The following C1orf198 variants were observed in gnomAD, a reference collection of about 807,000 sequenced individuals.
C1orf198 encodes the protein chromosome 1 open reading frame 198, also known as uncharacterized protein C1orf198.
C1orf198 carries 17 observed loss-of-function variants against 31.4 expected under a neutral mutation model. The ratio of observed to expected loss-of-function variants is 0.54; its 90% CI spans 0.37 to 0.81. The LOEUF (loss-of-function observed/expected upper bound fraction) is 0.81. Among genes scored for constraint, C1orf198 ranks in the 40% least tolerant of loss-of-function variants. C1orf198 has a pLI of 0.00. For synonymous variants in C1orf198, 175 were observed against 193.8 expected (o/e 0.90, Z 0.81); for missense variants, 401 against 450.3 (o/e 0.89, Z 0.99).
At chr1:230,856,352 C>T (rs1669872772) in intron 1 of C1orf198, among the ~76,000 whole-genome samples, 2 of 152,078 alleles carry the variant, frequency 1.3e-5, no homozygotes, top group African/African-American at 4.8e-5. Context: ...AATCACTCCC[C>T]ACCCCCACCA....
chr1:230,856,069 C>T lies in C1orf198; in HGVS notation c.334-351G>A, dbSNP rs1383986059. On this transcript the variant is annotated intron_variant, in intron 1 of 3. Transcript: ENST00000366663. ...AGACTCAGCCCTGAACAATGATTAGCTGTGTGGCCATGGGAAGATGACTCA... is the reference window on the plus strand; with the variant it reads ...AGACTCAGCCCTGAACAATGATTAGTTGTGTGGCCATGGGAAGATGACTCA... 8.9e-6 allele frequency: 8 copies of T among 903,324 alleles called. No homozygotes were observed. The South Asian group carries it at 2.1e-4, about 24-fold the overall frequency. The allele number at this position is 903,324 out of a possible 1,614,324, so 56.0% of individuals were successfully genotyped here. A position where few individuals can be genotyped will look rare whatever the true frequency, so the allele number is the denominator to read the frequency against.
chr1:230,841,601 C>A (rs1422668766), intron 3 of C1orf198, among the ~76,000 whole-genome samples: 1 of 152,162 alleles, frequency 6.6e-6, no homozygotes, highest in African/African-American at 2.4e-5. Flanking sequence ...CACCTCATAC[C>A]CCTTCGCATG....
chr1:230,863,425 T>C (rs970410467), intron 1 of C1orf198, among the ~76,000 whole-genome samples: 1 of 152,222 alleles, frequency 6.6e-6, no homozygotes, highest in Non-Finnish European at 1.5e-5. Flanking sequence ...AAGAAATAGA[T>C]ATTTTCTCCA....
At chr1:230,851,958 A>C (rs1669757973) in intron 2 of C1orf198, among the ~76,000 whole-genome samples, 2 of 152,304 alleles carry the variant, frequency 1.3e-5, no homozygotes, top group African/African-American at 4.8e-5. Context: ...GAGAAACCAA[A>C]AATCCCTGCG....
At position 230,843,843 on chromosome 1, in the gene C1orf198, GC is replaced by G; in HGVS notation, c.437del (p.Gly146AlafsTer65). On this transcript the variant is annotated frameshift_variant, in exon 3 of 4. Coordinates refer to ENST00000366663, the MANE Select transcript of C1orf198 (RefSeq NM_032800.3). LOFTEE classifies it high-confidence loss of function. This position sits in a 1 kb window ranked among gnomAD's most constrained non-coding sequence, Gnocchi z 4.9. ...GTGGTCTGGGCTCGCTGGCGGCGGTGCCGTTGCTCGGCTCCTGGATGGATAG... is the reference window on the plus strand; with the variant it reads ...GTGGTCTGGGCTCGCTGGCGGCGGTGCGTTGCTCGGCTCCTGGATGGATAG... ...SALSIQEPSN[G>X]TAASEPRPLS... 1 of 1,545,040 alleles carries G rather than the reference GC, an allele frequency of 6.5e-7. No individual in the cohort carries two copies. The highest frequency in any genetic ancestry group is 8.7e-7 in the Non-Finnish European group (1 of 1,148,558).
chr1:230,841,259 C>A (rs1669433379), intron 3 of C1orf198, among the ~76,000 whole-genome samples: 1 of 152,162 alleles, frequency 6.6e-6, no homozygotes, highest in Admixed American at 6.5e-5. Flanking sequence ...TAAGAAGGTG[C>A]AGAAACACGA....
At position 230,843,718 on chromosome 1, in the gene C1orf198, G is replaced by A. The variant is rs190484507; in HGVS notation, c.563C>T (p.Ala188Val). 108 of 1,614,062 alleles carry A rather than the reference G, an allele frequency of 6.7e-5. No individual in the cohort carries two copies. The highest frequency in any genetic ancestry group is 1.6e-4 in the Middle Eastern group (1 of 6,084). Residue 188 changes from alanine to valine, a missense_variant, in exon 3 of 4, where the codon GCG (alanine) becomes GTG (valine). By Grantham distance (64) the Ala-to-Val change is moderately conservative. Transcript: ENST00000366663. This position sits in a 1 kb window ranked among gnomAD's most constrained non-coding sequence, Gnocchi z 4.9. The stretch of plus-strand genomic sequence containing the variant: ...CTCAGCATTGATCTTCCAGAATGAC[G>A]CTTCCTCCTCCTTCCTGGTGGGGCC... ...ALGPTRKEEEASFWKINAERS... is the reference protein window; with the variant it reads ...ALGPTRKEEEVSFWKINAERS...
chr1:230,867,646 T>C (rs1460905336), intron 1 of C1orf198, among the ~76,000 whole-genome samples: 1 of 152,212 alleles, frequency 6.6e-6, no homozygotes, highest in Non-Finnish European at 1.5e-5. Flanking sequence ...GTTACCTGGC[T>C]TGGCAATTTT....
At chr1:230,863,679 G>A (rs544571729) in intron 1 of C1orf198, among the ~76,000 whole-genome samples, 87 of 152,290 alleles carry the variant, frequency 5.7e-4, no homozygotes, top group African/African-American at 2.0e-3. Context: ...AGCAGGCCAC[G>A]TGCTACTCAG....
intron 1 of C1orf198, 191 bp from the exon 2 acceptor site, chr1:230,855,909 C>T (rs1482308489): frequency 7.4e-6 from 10 of 1,351,550 alleles, no homozygotes; most frequent in South Asian, 4.4e-5. Flanking sequence ...TCATCTTTCC[C>T]GCTGAGGCTG....
rs1342433213 is a variant in C1orf198, at chr1:230,838,135, T to A, written c.*1717A>T. The A allele has an allele frequency of 6.6e-6, 1 of 152,274 alleles. No homozygotes were observed. Among genetic ancestry groups the A allele is most frequent in the Non-Finnish European group, 1.5e-5 (1 of 68,052 alleles). The allele number at this position is 152,274 out of a possible 1,614,324, so 9.4% of individuals were successfully genotyped here. ...AGGATCCCTGTGTGAACAGTGCCGT[T>A]AGCCCTGAGGGGAGCTGGCGCTTGC... is the stretch of plus-strand genomic sequence containing the variant. On this transcript the variant is annotated 3_prime_UTR_variant, in exon 4 of 4. Coordinates refer to ENST00000366663, the MANE Select transcript of C1orf198 (RefSeq NM_032800.3). The surrounding 1 kb of genome is among the most constrained non-coding windows in gnomAD (Gnocchi z 4.2).
At chr1:230,863,043 C>CT (rs1425113920) in intron 1 of C1orf198, among the ~76,000 whole-genome samples, 8 of 152,128 alleles carry the variant, frequency 5.3e-5, no homozygotes, top group Admixed American at 3.9e-4. Context: ...AAAATATGTT[C>CT]TTTTTTTACC....
intron 1 of C1orf198, among the ~76,000 whole-genome samples, chr1:230,867,002 A>T (rs1291680227): frequency 1.3e-5 from 2 of 152,306 alleles, no homozygotes; most frequent in African/African-American, 4.8e-5. Flanking sequence ...TATGACCATG[A>T]ACACTTCGTA....
intron 2 of C1orf198, among the ~76,000 whole-genome samples, chr1:230,852,130 AC>A (rs2102983425): frequency 6.6e-6 from 1 of 152,266 alleles, no homozygotes; most frequent in South Asian, 2.1e-4. Context: ...CATCTACCCA[AC>A]ATGTGTACAA....
intron 2 of C1orf198, among the ~76,000 whole-genome samples, chr1:230,846,880 G>A (rs1572129378): frequency 6.6e-6 from 1 of 151,972 alleles, no homozygotes; most frequent in Middle Eastern, 3.4e-3. Flanking sequence ...GAGGCGGGCG[G>A]ATCACGAGGT....
At chr1:230,859,472 C>T (rs1328617619) in intron 1 of C1orf198, among the ~76,000 whole-genome samples, 6 of 152,176 alleles carry the variant, frequency 3.9e-5, no homozygotes, top group African/African-American at 1.4e-4. Context: ...TCCTCAGAGT[C>T]AAATTCCGTA....
intron 1 of C1orf198, among the ~76,000 whole-genome samples, chr1:230,856,584 G>A (rs2102987593): frequency 6.6e-6 from 1 of 152,062 alleles, no homozygotes; most frequent in East Asian, 1.9e-4. Context: ...TAAGAGATGG[G>A]GTCCCAGTAT....
chr1:230,851,846 C>T (rs1001524698), intron 2 of C1orf198, among the ~76,000 whole-genome samples: 13 of 152,208 alleles, frequency 8.5e-5, no homozygotes, highest in Non-Finnish European at 1.3e-4. Context: ...ATGGGGGCAG[C>T]GACCACAGGT....
Position 230,839,790 on chromosome 1 carries a change from T to C in C1orf198, c.*62A>G, listed in dbSNP as rs944510577. 25 of 1,468,430 alleles carry C rather than the reference T, an allele frequency of 1.7e-5. No individual in the cohort carries two copies. The Admixed American group carries it at 1.9e-4, about 11-fold the overall frequency. 91.0% of individuals were successfully genotyped at this position (1,468,430 alleles called of 1,614,324 possible). The stretch of plus-strand genomic sequence containing the variant: ...TAGGAAAAGGTGGCCCTTTTTATCC[T>C]CCTCCACCACACCACTTTGGAAAAC... On this transcript the variant is annotated 3_prime_UTR_variant, in exon 4 of 4. Coordinates refer to ENST00000366663, the MANE Select transcript of C1orf198 (RefSeq NM_032800.3).
Sources: allele counts gnomAD v4.1 joint callset (sites outside exome capture counted in the v4.1 genomes callset), GRCh38; gene constraint gnomAD v4.1.1; non-coding constraint Gnocchi (gnomAD v3.1); transcripts MANE v1.5; gene names NCBI Gene and HGNC (gene_info 2026-07-23, HGNC 2026-07-21).